Variants in RAB27B observed in about 807,000 individuals in gnomAD.
The protein encoded by RAB27B is ras-related protein Rab-27B.
In RAB27B, 15 loss-of-function variants were observed where a neutral mutation model predicts 24.6. The ratio of observed to expected loss-of-function variants is 0.61; its 90% CI spans 0.41 to 0.94. The LOEUF is 0.94. RAB27B is among the 40% of genes least tolerant of loss of function. RAB27B has a pLI of 0.00. For synonymous variants in RAB27B, 105 were observed against 92.5 expected (o/e 1.14, Z -0.78); for missense variants, 261 against 266.8 (o/e 0.98, Z 0.15).
chr18:54,866,540 C>T (rs1912235275), intron 1 of RAB27B, among the ~76,000 whole-genome samples: 2 of 152,202 alleles, frequency 1.3e-5, no homozygotes, highest in African/African-American at 2.4e-5. Context: ...TCAGGTGATC[C>T]GCCCGCTTCG....
intron 2 of RAB27B, among the ~76,000 whole-genome samples, chr18:54,801,761 C>T (rs1461568384): frequency 2.0e-5 from 3 of 152,184 alleles, no homozygotes; most frequent in Non-Finnish European, 4.4e-5. Flanking sequence ...GGACAGTGGC[C>T]TCACTGTGAG....
At chr18:54,868,147 G>A (rs1467525196) in intron 1 of RAB27B, among the ~76,000 whole-genome samples, 1 of 152,168 alleles carries the variant, frequency 6.6e-6, no homozygotes, top group Non-Finnish European at 1.5e-5. Context: ...TGGGAGAGAT[G>A]CTAAGTGGGG....
rs1403799180 is a variant in RAB27B, at chr18:54,874,095, G to GTT, written c.-19-3472_-19-3471insTT. ...GGCAGGTTTATGTACAAAAGACAGA[G>GTT]AACAGTCTGGCTGCCAATCAGGAAA... On this transcript the variant is annotated intron_variant, in intron 1 of 5. Coordinates refer to ENST00000262094, the MANE Select transcript of RAB27B (RefSeq NM_004163.4). 2.6e-5 allele frequency among the ~76,000 whole-genome samples: 4 copies of GTT among 152,324 alleles called. No individual in the cohort carries two copies. In the East Asian group the frequency reaches 7.7e-4, roughly 29 times the overall value.
At chr18:54,850,527 C>A (rs1911539254) in intron 1 of RAB27B, among the ~76,000 whole-genome samples, 1 of 150,626 alleles carries the variant, frequency 6.6e-6, no homozygotes, top group Admixed American at 6.6e-5. Context: ...CCAGCATGCC[C>A]AGCTATGTTT....
chr18:54,750,907 C>A (rs952469961), intron 2 of RAB27B, among the ~76,000 whole-genome samples: 2 of 152,084 alleles, frequency 1.3e-5, no homozygotes, highest in African/African-American at 4.8e-5. Context: ...AGGCCACAGG[C>A]ACAGGTTGCA....
At chr18:54,873,821 G>A (rs1021899934) in intron 1 of RAB27B, among the ~76,000 whole-genome samples, 3 of 151,844 alleles carry the variant, frequency 2.0e-5, no homozygotes, top group Admixed American at 2.0e-4. Context: ...TTTGAAAGGA[G>A]CTTAGAAGTG....
intron 1 of RAB27B, among the ~76,000 whole-genome samples, chr18:54,852,586 G>A (rs1175304873): frequency 6.6e-6 from 1 of 152,122 alleles, no homozygotes; most frequent in East Asian, 1.9e-4. Context: ...AAGTTTCTTT[G>A]ATCTGTATTA....
intron 2 of RAB27B, among the ~76,000 whole-genome samples, chr18:54,788,129 A>C (rs1909145605): frequency 6.6e-6 from 1 of 152,214 alleles, no homozygotes; most frequent in South Asian, 2.1e-4. Context: ...GAGTGGAAAG[A>C]ATTAGCCCAG....
chr18:54,725,148 G>A (rs1222562194), intron 2 of RAB27B, among the ~76,000 whole-genome samples: 1 of 151,274 alleles, frequency 6.6e-6, no homozygotes, highest in African/African-American at 2.4e-5. Flanking sequence ...ACCTCTAAAG[G>A]GTGCCACTTA....
intron 1 of RAB27B, among the ~76,000 whole-genome samples, chr18:54,868,554 T>C (rs11152033): frequency 0.35 from 52,821 of 152,102 alleles, 10,570 homozygotes; most frequent in Admixed American, 0.44. Context: ...TTGCACACAT[T>C]TATCATTTAT....
At chr18:54,794,468 G>C (rs190798954) in intron 2 of RAB27B, among the ~76,000 whole-genome samples, 1 of 152,158 alleles carries the variant, frequency 6.6e-6, no homozygotes, top group Non-Finnish European at 1.5e-5. Context: ...CTCTTACAGC[G>C]TAAAAACAAA....
chr18:54,873,764 G>A (rs899954446), intron 1 of RAB27B, among the ~76,000 whole-genome samples: 3 of 151,604 alleles, frequency 2.0e-5, no homozygotes, highest in Non-Finnish European at 4.4e-5. Context: ...GACAGAGTGA[G>A]AGAGAGAGGA....
chr18:54,730,055 T>C (rs935319759), intron 2 of RAB27B, among the ~76,000 whole-genome samples: 1 of 152,318 alleles, frequency 6.6e-6, no homozygotes, highest in South Asian at 2.1e-4. Flanking sequence ...CCAGTTTACT[T>C]AATATAAAAT....
intron 2 of RAB27B, among the ~76,000 whole-genome samples, chr18:54,801,583 T>A (rs1034298023): frequency 6.6e-6 from 1 of 152,108 alleles, no homozygotes; most frequent in African/African-American, 2.4e-5. Context: ...GGTTCAGGCA[T>A]GTTGACATTT....
chr18:54,803,015 G>A (rs937850525), intron 2 of RAB27B, among the ~76,000 whole-genome samples: 1 of 152,058 alleles, frequency 6.6e-6, no homozygotes, highest in Non-Finnish European at 1.5e-5. Context: ...TATTTATTGA[G>A]TTTGTTATAA....
intron 2 of RAB27B, among the ~76,000 whole-genome samples, chr18:54,810,653 A>G (rs963742181): frequency 6.6e-5 from 10 of 151,942 alleles, no homozygotes; most frequent in Admixed American, 5.2e-4. Flanking sequence ...AACATAGTGA[A>G]ACCCCATCTC....
intron 2 of RAB27B, among the ~76,000 whole-genome samples, chr18:54,815,250 G>A (rs1910086151): frequency 6.6e-6 from 1 of 152,122 alleles, no homozygotes; most frequent in South Asian, 2.1e-4. Flanking sequence ...AAGTATTATT[G>A]CAGGAGTATG....
intron 1 of RAB27B, among the ~76,000 whole-genome samples, chr18:54,847,233 A>T (rs1911374538): frequency 6.6e-6 from 1 of 152,186 alleles, no homozygotes; most frequent in Non-Finnish European, 1.5e-5. Flanking sequence ...TCCTACAGGG[A>T]TCTGAAGTTT....
chr18:54,876,659 AC>A (rs1260674130), intron 1 of RAB27B, among the ~76,000 whole-genome samples: 2 of 152,176 alleles, frequency 1.3e-5, no homozygotes, highest in African/African-American at 4.8e-5. Flanking sequence ...TGTTACTGGT[AC>A]AGGATTAAAG....
Sources: gnomAD v4.1 joint callset for allele counts (sites outside exome capture counted in the v4.1 genomes callset) on GRCh38, gnomAD v4.1.1 for gene constraint, MANE v1.5 for transcripts, NCBI Gene and HGNC (gene_info 2026-07-23, HGNC 2026-07-21) for gene names.